The following LRP1B variants were observed in gnomAD, a reference collection of about 807,000 sequenced individuals.
The protein encoded by LRP1B is LDL receptor related protein 1B.
In LRP1B, 217 loss-of-function variants were observed where a neutral mutation model predicts 556.6. That is an observed-to-expected ratio of 0.39 (90% CI 0.35 to 0.44). LRP1B has a LOEUF of 0.44. Among genes scored for constraint, LRP1B ranks in the 20% least tolerant of loss-of-function variants. The pLI is 1.00. For missense variants in LRP1B, 5,053 were observed against 5,620.8 expected (o/e 0.90, Z 3.23); for synonymous variants, 2,047 against 1,865.8 (o/e 1.10, Z -2.50).
intron 2 of LRP1B, among the ~76,000 whole-genome samples, chr2:141,481,613 C>G (rs1024928398): frequency 5.3e-5 from 8 of 152,110 alleles, no homozygotes; most frequent in Non-Finnish European, 1.0e-4. Flanking sequence ...TTGTGAATGT[C>G]AACAGTTATT....
At chr2:140,772,775 T>C (rs904266556) in intron 33 of LRP1B, among the ~76,000 whole-genome samples, 1 of 152,040 alleles carries the variant, frequency 6.6e-6, no homozygotes, top group South Asian at 2.1e-4. Context: ...TACTTAACTA[T>C]AGAGCTTGAA....
chr2:141,760,787 T>C (rs1694515761), intron 2 of LRP1B, among the ~76,000 whole-genome samples: 1 of 152,220 alleles, frequency 6.6e-6, no homozygotes, highest in Admixed American at 6.5e-5. Context: ...ACTGTGAAGA[T>C]TCTTACAGAC....
chr2:141,276,352 T>C (rs1172478010), intron 3 of LRP1B, among the ~76,000 whole-genome samples: 1 of 152,028 alleles, frequency 6.6e-6, no homozygotes, highest in African/African-American at 2.4e-5. Flanking sequence ...TATAGGTAAG[T>C]TGTGTGTCAC....
At chr2:140,744,082 G>A (rs1688238679) in intron 35 of LRP1B, among the ~76,000 whole-genome samples, 1 of 150,508 alleles carries the variant, frequency 6.6e-6, no homozygotes, top group South Asian at 2.1e-4. Flanking sequence ...GTATAAACCC[G>A]CGGTTATAAG....
At chr2:141,078,032 T>A (rs956312877) in intron 7 of LRP1B, among the ~76,000 whole-genome samples, 1 of 151,938 alleles carries the variant, frequency 6.6e-6, no homozygotes, top group Non-Finnish European at 1.5e-5. Context: ...TCCTTTTTTT[T>A]AAAGCTTATT....
intron 7 of LRP1B, among the ~76,000 whole-genome samples, chr2:141,068,574 A>AAAT (rs1219405288): frequency 6.6e-6 from 1 of 151,552 alleles, no homozygotes; most frequent in Non-Finnish European, 1.5e-5. Context: ...AAAAAAAAAA[A>AAAT]AAAGGAAAGA....
chr2:141,882,937 G>A (rs940893141), intron 1 of LRP1B, among the ~76,000 whole-genome samples: 1 of 152,134 alleles, frequency 6.6e-6, no homozygotes, highest in Non-Finnish European at 1.5e-5. Context: ...GACAAAGGTG[G>A]CAAACGTATG....
In LRP1B at chr2:140,334,020, C is replaced by A. The variant is rs200981189; in HGVS notation, c.12223+433G>T. Among the ~76,000 whole-genome samples, 471 of 143,030 alleles carry A rather than the reference C, an allele frequency of 3.3e-3. 1 individual carries two copies. Among genetic ancestry groups the A allele is most frequent in the Middle Eastern group, 0.014 (4 of 280 alleles). 93.8% of individuals were successfully genotyped at this position (143,030 alleles called of 152,430 possible). On this transcript the variant is annotated intron_variant, in intron 79 of 90. Coordinates refer to ENST00000389484, the MANE Select transcript of LRP1B (RefSeq NM_018557.3). ...GCAAAAAAAACAAAACAAAACAAAACAAAAAAAAAAACACCAAACCTGTCT... is the reference window on the plus strand; with the variant it reads ...GCAAAAAAAACAAAACAAAACAAAAAAAAAAAAAAAACACCAAACCTGTCT...
At chr2:140,626,895 A>C (rs1225590511) in intron 41 of LRP1B, among the ~76,000 whole-genome samples, 2 of 152,318 alleles carry the variant, frequency 1.3e-5, no homozygotes, top group East Asian at 1.9e-4. Flanking sequence ...TCTACCTTTA[A>C]ACTGTTATGG....
At chr2:140,495,881 T>C in intron 55 of LRP1B, 133 bp from the exon 56 acceptor site, 1 of 638,660 alleles carries the variant, frequency 1.6e-6, no homozygotes, top group Non-Finnish European at 2.7e-6. Context: ...TCCCAGCATT[T>C]GACCTTTGAT....
chr2:140,744,181 A>G (rs1000193665), intron 35 of LRP1B, among the ~76,000 whole-genome samples: 4 of 152,056 alleles, frequency 2.6e-5, no homozygotes, highest in African/African-American at 4.8e-5. Flanking sequence ...TACAAAACAT[A>G]TATCATTGCA....
chr2:141,560,282 C>G (rs1199387621), intron 2 of LRP1B, among the ~76,000 whole-genome samples: 1 of 151,644 alleles, frequency 6.6e-6, no homozygotes, highest in Non-Finnish European at 1.5e-5. Context: ...CCAAGGCAAC[C>G]TGAATAGGAA....
intron 1 of LRP1B, among the ~76,000 whole-genome samples, chr2:141,973,155 C>A (rs1040001848): frequency 1.3e-4 from 19 of 151,454 alleles, no homozygotes; most frequent in Non-Finnish European, 7.4e-5. Flanking sequence ...ATGAACAGAA[C>A]AATTGTTAAA....
At chr2:140,807,929 T>C (rs949140621) in intron 32 of LRP1B, among the ~76,000 whole-genome samples, 2 of 151,970 alleles carry the variant, frequency 1.3e-5, no homozygotes, top group Admixed American at 1.3e-4. Context: ...CCGTCTCTAC[T>C]GAAAATACAA....
chr2:140,542,032 C>T (rs1680156178), intron 43 of LRP1B, 61 bp from the exon 44 acceptor site: 2 of 1,081,170 alleles, frequency 1.8e-6, no homozygotes, highest in Non-Finnish European at 2.5e-6. Context: ...TACGTCCACA[C>T]CTATTTTTGC....
intron 77 of LRP1B, among the ~76,000 whole-genome samples, chr2:140,344,104 TA>T (rs2105102024): frequency 6.6e-6 from 1 of 151,914 alleles, no homozygotes; most frequent in South Asian, 2.1e-4. Flanking sequence ...CTTAAGCTTC[TA>T]AAAATGCTCT....
At chr2:141,056,183 A>T (rs1001848050) in intron 9 of LRP1B, among the ~76,000 whole-genome samples, 1 of 151,748 alleles carries the variant, frequency 6.6e-6, no homozygotes, top group African/African-American at 2.4e-5. Flanking sequence ...TGCAATTTTT[A>T]CTAATTTTTT....
intron 6 of LRP1B, among the ~76,000 whole-genome samples, chr2:141,190,146 T>A (rs1681445055): frequency 6.6e-6 from 1 of 151,908 alleles, no homozygotes; most frequent in African/African-American, 2.4e-5. Context: ...CAACCTCCTA[T>A]AACCTGTCAC....
At chr2:140,750,981 CTTTTTTTTTCT>C (rs1688556119) in intron 35 of LRP1B, among the ~76,000 whole-genome samples, 1 of 115,224 alleles carries the variant, frequency 8.7e-6, no homozygotes, top group African/African-American at 3.2e-5. Flanking sequence ...AGTTATAACT[CTTTTTTTTTCT>C]TTTTTTTTTT....
Sources: gnomAD v4.1 joint callset for allele counts (sites outside exome capture counted in the v4.1 genomes callset) on GRCh38, gnomAD v4.1.1 for gene constraint, MANE v1.5 for transcripts, NCBI Gene and HGNC (gene_info 2026-07-23, HGNC 2026-07-21) for gene names.